The following COL28A1 variants were observed in gnomAD, a reference collection of about 807,000 sequenced individuals.
COL28A1 encodes the protein collagen type XXVIII alpha 1 chain.
A neutral mutation model predicts 150.2 loss-of-function variants in COL28A1; 161 were observed. That is an observed-to-expected ratio of 1.07 (90% CI 0.94 to 1.22). COL28A1 has a LOEUF of 1.22. COL28A1 is among the 50% of genes most tolerant of loss of function. The probability of loss-of-function intolerance (pLI) is 0.00; values close to 1 mark genes in which losing one functional copy is unlikely to be tolerated. For missense variants in COL28A1, 1,617 were observed against 1,388.3 expected, an observed-to-expected ratio of 1.16 and a Z score of -2.62; for synonymous variants, 552 against 469.7, an observed-to-expected ratio of 1.18 and a Z score of -2.26.
chr7:7,462,279 G>A (rs898790148), intron 15 of COL28A1, among the ~76,000 whole-genome samples: 11 of 152,006 alleles, frequency 7.2e-5, no homozygotes, highest in African/African-American at 2.7e-4. Flanking sequence ...CAAATGAGAA[G>A]GAAACAGAAA....
Position 7,474,070 on chromosome 7 carries a change from A to AATAT in COL28A1, c.1302+527_1302+530dup, listed in dbSNP as rs58897994. Among the ~76,000 whole-genome samples the AATAT allele has an allele frequency of 2.3e-3, 330 of 143,054 alleles. 1 individual carries two copies. The highest frequency in any genetic ancestry group is 0.018 in the Middle Eastern group (5 of 278). 93.8% of individuals were successfully genotyped at this position (143,054 alleles called of 152,430 possible). The stretch of plus-strand genomic sequence containing the variant: ...TACTATATACTCTATATATATATGG[A>AATAT]ATATATATATATATATATGTGATGG... On this transcript the variant is annotated intron_variant, in intron 15 of 34. Coordinates refer to ENST00000399429, the MANE Select transcript of COL28A1 (RefSeq NM_001037763.3).
intron 27 of COL28A1, among the ~76,000 whole-genome samples, chr7:7,394,216 G>A (rs1003492476): frequency 6.6e-6 from 1 of 152,068 alleles, no homozygotes; most frequent in Non-Finnish European, 1.5e-5. Flanking sequence ...TGCTTTCCAG[G>A]TGAGGCAATG....
intron 14 of COL28A1, among the ~76,000 whole-genome samples, chr7:7,475,489 T>C (rs916112715): frequency 3.9e-5 from 6 of 152,206 alleles, no homozygotes; most frequent in African/African-American, 9.6e-5. Flanking sequence ...GAACACGATG[T>C]GTTCTTTCTT....
intron 30 of COL28A1, among the ~76,000 whole-genome samples, chr7:7,375,980 T>A (rs926418818): frequency 6.6e-6 from 1 of 152,214 alleles, no homozygotes; most frequent in Admixed American, 6.5e-5. Context: ...CTTCTTTTTC[T>A]GTACTAGTTC....
intron 8 of COL28A1, chr7:7,511,630 A>G (rs562712508): frequency 1.0e-4 from 34 of 333,490 alleles, no homozygotes; most frequent in South Asian, 8.3e-4. Context: ...CAAGAACACC[A>G]TGCTTCAGCC....
In COL28A1 at chr7:7,448,320, T is replaced by C. The variant is rs1011570390; in HGVS notation, c.1510-3831A>G. Among the ~76,000 whole-genome samples the C allele has an allele frequency of 1.1e-4, 16 of 152,194 alleles. No individual in the cohort carries two copies. The East Asian group carries it at 2.5e-3, about 24-fold the overall frequency. ...CAGCCAGAGAAAAAAAGACATGTTG[T>C]GTAGAGAAACAAATATAAGGATAAC... On this transcript the variant is annotated intron_variant, in intron 18 of 34. Transcript: ENST00000399429.
In COL28A1 at chr7:7,453,527, T is replaced by C. The variant is rs1486104295; in HGVS notation, c.1372-19A>G. 4 of 923,680 alleles carry C rather than the reference T, an allele frequency of 4.3e-6. No homozygotes were observed. In the South Asian group the frequency reaches 5.4e-5, roughly 12 times the overall value. 57.2% of individuals were successfully genotyped at this position (923,680 alleles called of 1,614,324 possible). On this transcript the variant is annotated intron_variant, in intron 16 of 34. Transcript: ENST00000399429. Reference sequence around the variant, plus strand: ...GGATTCCCTTTAAAATAAAATTTTATAAAATAGTGTTAGTGAAATGAAGTA... The same window carrying C: ...GGATTCCCTTTAAAATAAAATTTTACAAAATAGTGTTAGTGAAATGAAGTA...
chr7:7,349,636 T>C, the COL28A1 span, among the ~76,000 whole-genome samples: 1 of 152,268 alleles, frequency 6.6e-6, no homozygotes, highest in African/African-American at 2.4e-5. Context: ...TGCTATGGCC[T>C]GGAAACTCTC....
At chr7:7,414,399 C>T (rs528354124) in intron 27 of COL28A1, among the ~76,000 whole-genome samples, 1 of 152,208 alleles carries the variant, frequency 6.6e-6, no homozygotes, top group East Asian at 1.9e-4. Context: ...ATCCAAACAA[C>T]AGACATCTGT....
At position 7,418,562 on chromosome 7, in the gene COL28A1, A is replaced by G. The variant is rs76258848; in HGVS notation, c.2068-635T>C. 7.6e-3 allele frequency among the ~76,000 whole-genome samples: 1,164 copies of G among 152,308 alleles called. 17 individuals are homozygous for G. The highest frequency in any genetic ancestry group is 0.026 in the African/African-American group (1,087 of 41,558). On this transcript the variant is annotated intron_variant, in intron 26 of 34. Transcript: ENST00000399429. The stretch of plus-strand genomic sequence containing the variant: ...ATATAGTAGACTAATGGCTCTAACA[A>G]GTCCCACAGTAAAGAAATTAGTGTA...
chr7:7,490,125 GTTCC>G (rs1323996838), intron 12 of COL28A1, among the ~76,000 whole-genome samples: 2 of 152,136 alleles, frequency 1.3e-5, no homozygotes, highest in Non-Finnish European at 2.9e-5. Context: ...CAGGATGGAC[GTTCC>G]TTCCTTCCCT....
chr7:7,398,019 A>G (rs545216063), intron 27 of COL28A1, among the ~76,000 whole-genome samples: 31 of 152,344 alleles, frequency 2.0e-4, no homozygotes, highest in Non-Finnish European at 3.8e-4. Context: ...CCTTTGACCA[A>G]TCTTTTAGTA....
At chr7:7,474,247 G>A (rs911245719) in intron 15 of COL28A1, among the ~76,000 whole-genome samples, 9 of 151,804 alleles carry the variant, frequency 5.9e-5, no homozygotes, top group African/African-American at 1.7e-4. Context: ...TTATGAGGAC[G>A]CAAAGGCATA....
intron 9 of COL28A1, among the ~76,000 whole-genome samples, chr7:7,510,601 A>G (rs1353652817): frequency 2.6e-5 from 4 of 152,172 alleles, no homozygotes; most frequent in Non-Finnish European, 5.9e-5. Flanking sequence ...TATTTTTTAA[A>G]ATAAAGGTGA....
At position 7,373,033 on chromosome 7, in the gene COL28A1, T is replaced by C; in HGVS notation, c.2873A>G (p.His958Arg). 3 of 1,614,154 alleles carry C rather than the reference T, an allele frequency of 1.9e-6. No individual in the cohort carries two copies. The highest frequency in any genetic ancestry group is 1.1e-5 in the South Asian group (1 of 91,060). Residue 958 changes from histidine (H) to arginine (R), a missense_variant, in exon 32 of 35, where the codon CAT becomes CGT. Transcript: ENST00000399429. The surrounding 1 kb of genome is among the most constrained non-coding windows in gnomAD (Gnocchi z 4.1). ...AAAGAAATCATCAAACTGGTAAACA[T>C]GCTCTGGGTCAGTAGCAATTAGATT... ...EMNLIATDPEHVYQFDDFFTL... is the reference protein window; with the variant it reads ...EMNLIATDPERVYQFDDFFTL...
At chr7:7,476,394 A>C (rs1419868544) in intron 14 of COL28A1, among the ~76,000 whole-genome samples, 2 of 152,326 alleles carry the variant, frequency 1.3e-5, no homozygotes, top group East Asian at 1.9e-4. Flanking sequence ...CCATAAGCCA[A>C]ATTCAGCCCA....
Position 7,419,919 on chromosome 7 carries a change from G to A in COL28A1, c.2033C>T (p.Ser678Phe). ...TTGGGTTCCTACGCCCCGAGGCCCA[G>A]AAGGACCTGGAGGGCCTCTGACCCC... ...EPGVRGPPGPSGPRGVGTQGP... is the reference protein window; with the variant it reads ...EPGVRGPPGPFGPRGVGTQGP... Residue 678 changes from serine (S) to phenylalanine (F), a missense_variant, in exon 26 of 35, where the codon TCT (serine) becomes TTT (phenylalanine). By Grantham distance (155) the Ser-to-Phe change is radical. Coordinates refer to ENST00000399429, the MANE Select transcript of COL28A1 (RefSeq NM_001037763.3). 1 of 1,603,044 alleles carries A rather than the reference G, an allele frequency of 6.2e-7. No individual in the cohort carries two copies. The highest frequency in any genetic ancestry group is 8.5e-7 in the Non-Finnish European group (1 of 1,175,156).
intron 20 of COL28A1, among the ~76,000 whole-genome samples, chr7:7,441,978 TCCCTC>T (rs1785831713): frequency 6.6e-6 from 1 of 152,146 alleles, no homozygotes; most frequent in African/African-American, 2.4e-5. Flanking sequence ...TTTATTTTCT[TCCCTC>T]CACTACCACT....
chr7:7,479,079 G>A (rs1015020998), intron 13 of COL28A1, among the ~76,000 whole-genome samples: 1 of 152,198 alleles, frequency 6.6e-6, no homozygotes, highest in Admixed American at 6.5e-5. Flanking sequence ...GGGCTGCGAG[G>A]GCTGCCAGCA....
Sources: gnomAD v4.1 joint callset for allele counts (sites outside exome capture counted in the v4.1 genomes callset) on GRCh38, gnomAD v4.1.1 for gene constraint, Gnocchi (gnomAD v3.1) non-coding constraint, MANE v1.5 for transcripts, NCBI Gene and HGNC (gene_info 2026-07-23, HGNC 2026-07-21) for gene names.